TULP4: variants seen among roughly 807,000 people sequenced by gnomAD.
The protein encoded by TULP4 is TUB like protein 4.
A neutral mutation model predicts 129.0 loss-of-function variants in TULP4; 16 were observed. The observed-to-expected ratio is 0.12, with a 90% CI of 0.08 to 0.19. The LOEUF is 0.19. TULP4 is among the 10% of genes least tolerant of loss of function. TULP4 has a pLI of 1.00. For missense variants in TULP4, 1,842 were observed against 2,059.1 expected (o/e 0.89, Z 2.04); for synonymous variants, 998 against 854.0 (o/e 1.17, Z -2.94).
intron 1 of TULP4, among the ~76,000 whole-genome samples, chr6:158,330,424 A>AT (rs1413586772): frequency 1.3e-5 from 2 of 152,348 alleles, no homozygotes; most frequent in East Asian, 3.8e-4. Context: ...TCTTACTCAA[A>AT]TTCAGCTATG....
At chr6:158,321,129 G>A (rs1779619108) in intron 1 of TULP4, among the ~76,000 whole-genome samples, 1 of 152,000 alleles carries the variant, frequency 6.6e-6, no homozygotes, top group Non-Finnish European at 1.5e-5. Flanking sequence ...ACTCCTCAAT[G>A]ACCACACATT....
intron 3 of TULP4, among the ~76,000 whole-genome samples, chr6:158,434,772 A>G (rs1011026920): frequency 6.6e-6 from 1 of 152,172 alleles, no homozygotes; most frequent in African/African-American, 2.4e-5. Flanking sequence ...TTCCATGCTG[A>G]GTGTGGTCCT....
At chr6:158,461,035 A>G (rs1048450038) in intron 5 of TULP4, among the ~76,000 whole-genome samples, 1 of 152,248 alleles carries the variant, frequency 6.6e-6, no homozygotes, top group African/African-American at 2.4e-5. Context: ...TCAGTAAACT[A>G]CAATCCCCAG....
intron 6 of TULP4, among the ~76,000 whole-genome samples, chr6:158,470,022 G>A (rs683990): frequency 0.61 from 92,391 of 151,712 alleles, 28,985 homozygotes; most frequent in African/African-American, 0.76. Context: ...CCATGCAGTG[G>A]GTGTTATAGC....
intron 1 of TULP4, among the ~76,000 whole-genome samples, chr6:158,340,671 G>T (rs554115343): frequency 1.3e-5 from 2 of 152,148 alleles, no homozygotes; most frequent in African/African-American, 4.8e-5. Context: ...AGGTGACTCC[G>T]CTGAGTCCTA....
upstream of TULP4, chr6:158,312,010 T>C (rs1025185278): frequency 7.6e-6 from 3 of 392,204 alleles, no homozygotes; most frequent in Admixed American, 4.7e-5. Context: ...TCCAGTGTTT[T>C]AAAGTTTTTA....
At chr6:158,340,441 A>C (rs1780154472) in intron 1 of TULP4, among the ~76,000 whole-genome samples, 1 of 151,976 alleles carries the variant, frequency 6.6e-6, no homozygotes, top group East Asian at 1.9e-4. Flanking sequence ...CTGTGTGCAC[A>C]CAGGGTGAGC....
chr6:158,242,600 T>C, intron 1 of TULP4: 1 of 713,980 alleles, frequency 1.4e-6, no homozygotes, highest in Non-Finnish European at 2.6e-6. Flanking sequence ...AGTTATTGGC[T>C]AACAGTTTGG....
intron 12 of TULP4, among the ~76,000 whole-genome samples, chr6:158,500,122 C>A (rs540778417): frequency 6.2e-4 from 94 of 152,320 alleles, no homozygotes; most frequent in African/African-American, 2.2e-3. Context: ...GGAATACAGC[C>A]CTCTCCAAGG....
At chr6:158,307,126 C>T (rs1779228557) in intron 1 of TULP4, among the ~76,000 whole-genome samples, 1 of 152,158 alleles carries the variant, frequency 6.6e-6, no homozygotes, top group South Asian at 2.1e-4. Flanking sequence ...TGTCCTAAAA[C>T]TAAAACATTT....
intron 1 of TULP4, among the ~76,000 whole-genome samples, chr6:158,236,795 CTTTTTTTTTTTTTTTTT>C (rs71030149): frequency 0.078 from 4,910 of 63,212 alleles, 200 homozygotes; most frequent in Middle Eastern, 0.14. Context: ...CAATTCTTTT[CTTTTTTTTTTTTTTTTT>C]TTTTTTTTTT....
At chr6:158,266,599 A>G (rs1464497334) in intron 1 of TULP4, among the ~76,000 whole-genome samples, 2 of 152,220 alleles carry the variant, frequency 1.3e-5, no homozygotes, top group Non-Finnish European at 2.9e-5. Flanking sequence ...AGTTGGCTCT[A>G]CATATCCGCA....
intron 2 of TULP4, among the ~76,000 whole-genome samples, chr6:158,416,872 T>C (rs1228594592): frequency 6.6e-6 from 1 of 152,200 alleles, no homozygotes; most frequent in African/African-American, 2.4e-5. Flanking sequence ...TGTCTATGTT[T>C]AGATAGCTTT....
At chr6:158,249,809 G>A (rs1457997149) in intron 1 of TULP4, among the ~76,000 whole-genome samples, 1 of 152,108 alleles carries the variant, frequency 6.6e-6, no homozygotes, top group Non-Finnish European at 1.5e-5. Flanking sequence ...ATTGCTATAT[G>A]GAATATGTTT....
At chr6:158,444,254 T>C (rs1239071483) in intron 3 of TULP4, among the ~76,000 whole-genome samples, 2 of 125,342 alleles carry the variant, frequency 1.6e-5, no homozygotes, top group Non-Finnish European at 3.5e-5. Flanking sequence ...AAATTTTTTT[T>C]TTTTTTTTTT....
rs1307282351 is a variant in TULP4 at position 158,447,828 on chromosome 6, C to T, written c.544-1168C>T. On this transcript the variant is annotated intron_variant, in intron 3 of 13. Transcript: ENST00000367097. ...CTTACTTGGCCTCTCTTAAGTTGCT[C>T]GTGTGTTTGTAAATTGGAGATAACT... Among the ~76,000 whole-genome samples the T allele has an allele frequency of 5.3e-5, 8 of 152,292 alleles. 1 individual carries two copies. Among genetic ancestry groups the T allele is most frequent in the South Asian group, 4.1e-4 (2 of 4,826 alleles).
In TULP4 at chr6:158,502,881, C is replaced by G; in HGVS notation, c.3218C>G (p.Pro1073Arg). 6.2e-7 allele frequency: 1 copy of G among 1,613,954 alleles called. No homozygotes were observed. The highest frequency in any genetic ancestry group is 1.1e-5 in the South Asian group (1 of 91,076). The part of the protein sequence containing the change: ...ASQSSYSLLS[P>R]PDSARDRTDY... The stretch of plus-strand genomic sequence containing the variant: ...CAGTCCTCCTACAGCCTCCTGAGCC[C>G]ACCCGACAGCGCCCGCGACCGCACC... Residue 1073 changes from proline to arginine, a missense_variant, in exon 13 of 14, where the codon CCA becomes CGA. Physicochemically the swap from Pro to Arg is moderately radical, Grantham distance 103 (BLOSUM62 -2). Coordinates refer to ENST00000367097, the MANE Select transcript of TULP4 (RefSeq NM_020245.5).
At chr6:158,489,551 A>C (rs1780149875) in intron 8 of TULP4, 37 bp from the exon 9 acceptor site, 2 of 1,613,074 alleles carry the variant, frequency 1.2e-6, no homozygotes, top group Non-Finnish European at 1.7e-6. Context: ...TAATTGATAT[A>C]ACTTCCCTTG....
intron 1 of TULP4, among the ~76,000 whole-genome samples, chr6:158,375,420 C>T (rs1777161125): frequency 6.6e-6 from 1 of 152,146 alleles, no homozygotes; most frequent in Admixed American, 6.5e-5. Context: ...GTCTTTCCCT[C>T]AGTGATGGAG....
Sources: gnomAD v4.1 joint callset for allele counts (sites outside exome capture counted in the v4.1 genomes callset) on GRCh38, gnomAD v4.1.1 for gene constraint, MANE v1.5 for transcripts, NCBI Gene and HGNC (gene_info 2026-07-23, HGNC 2026-07-21) for gene names.